Variants in SOX6 observed in about 807,000 individuals in gnomAD.
SOX6 encodes the protein SRY-box transcription factor 6.
Under a neutral mutation model 97.8 loss-of-function variants are expected in SOX6, and 11 were observed. The ratio of observed to expected loss-of-function variants is 0.11; its 90% CI spans 0.07 to 0.19. The LOEUF (loss-of-function observed/expected upper bound fraction) is 0.19. SOX6 is among the 10% of genes least tolerant of loss of function. The pLI, the probability that SOX6 is intolerant of heterozygous loss-of-function variation, is 1.00. For synonymous variants in SOX6, 360 were observed against 371.4 expected, an observed-to-expected ratio of 0.97 and a Z score of 0.35; for missense variants, 810 against 1,039.5, an observed-to-expected ratio of 0.78 and a Z score of 3.04.
intron 4 of SOX6, among the ~76,000 whole-genome samples, chr11:16,528,405 G>C (rs1243760140): frequency 6.6e-6 from 1 of 152,018 alleles, no homozygotes; most frequent in Non-Finnish European, 1.5e-5. Flanking sequence ...AATCTAACTT[G>C]TCCAAAGTTA....
At chr11:16,240,315 T>TGTGG (rs1048756319) in intron 3 of SOX6, among the ~76,000 whole-genome samples, 2 of 146,842 alleles carry the variant, frequency 1.4e-5, no homozygotes, top group Non-Finnish European at 3.0e-5. Context: ...TGTGTGTGTG[T>TGTGG]GGCAGTGGAA....
At chr11:16,418,637 T>C (rs923326655) in intron 1 of SOX6, among the ~76,000 whole-genome samples, 6 of 151,866 alleles carry the variant, frequency 4.0e-5, no homozygotes, top group African/African-American at 1.5e-4. Flanking sequence ...CTTAGCTCTC[T>C]CATCTATTAC....
intron 3 of SOX6, among the ~76,000 whole-genome samples, chr11:16,688,622 C>T (rs939986493): frequency 6.6e-6 from 1 of 152,082 alleles, no homozygotes; most frequent in Non-Finnish European, 1.5e-5. Flanking sequence ...TGATTTGTAT[C>T]GTTTTTTATA....
chr11:16,575,929 T>C (rs1847982720), intron 4 of SOX6, among the ~76,000 whole-genome samples: 1 of 152,186 alleles, frequency 6.6e-6, no homozygotes, highest in South Asian at 2.1e-4. Flanking sequence ...ACCTTATATG[T>C]TTACATTTCA....
chr11:16,050,445 A>ACATGC (rs1391365419), intron 10 of SOX6, among the ~76,000 whole-genome samples: 3 of 152,228 alleles, frequency 2.0e-5, no homozygotes, highest in Non-Finnish European at 4.4e-5. Context: ...CCAGGGAGCC[A>ACATGC]CATGCCACAG....
chr11:16,597,003 A>G (rs562745894), intron 4 of SOX6, among the ~76,000 whole-genome samples: 2 of 152,290 alleles, frequency 1.3e-5, no homozygotes, highest in Admixed American at 1.3e-4. Context: ...AGGGCCAAAA[A>G]AGCCAGTTCT....
intron 3 of SOX6, among the ~76,000 whole-genome samples, chr11:16,621,413 T>C (rs993148790): frequency 1.3e-5 from 2 of 152,112 alleles, no homozygotes; most frequent in African/African-American, 4.8e-5. Context: ...TCCAAGTCAT[T>C]CCAACAATTG....
intron 4 of SOX6, among the ~76,000 whole-genome samples, chr11:16,495,794 T>G (rs1463836133): frequency 2.6e-5 from 4 of 152,102 alleles, no homozygotes; most frequent in African/African-American, 9.7e-5. Flanking sequence ...CTAGATCCAC[T>G]AACACCAGTG....
intron 3 of SOX6, among the ~76,000 whole-genome samples, chr11:16,624,415 T>C (rs1848594455): frequency 6.6e-6 from 1 of 152,110 alleles, no homozygotes; most frequent in South Asian, 2.1e-4. Context: ...CTCGATCTCT[T>C]GACCTCACGA....
chr11:16,193,529 T>A (rs1041542885), intron 4 of SOX6, among the ~76,000 whole-genome samples: 1 of 152,184 alleles, frequency 6.6e-6, no homozygotes, highest in African/African-American at 2.4e-5. Context: ...AATGCACACA[T>A]TAATAAACTT....
intron 2 of SOX6, among the ~76,000 whole-genome samples, chr11:16,735,055 T>C (rs1350238046): frequency 1.3e-5 from 2 of 152,114 alleles, no homozygotes; most frequent in African/African-American, 4.8e-5. Context: ...CTCCAAGAAG[T>C]TTTTGAGCAG....
At chr11:16,341,851 GC>G (rs1212549080) in intron 1 of SOX6, among the ~76,000 whole-genome samples, 1 of 151,964 alleles carries the variant, frequency 6.6e-6, no homozygotes, top group Non-Finnish European at 1.5e-5. Flanking sequence ...GCCATCTAAA[GC>G]TTTTTAAAAG....
At chr11:16,006,102 TA>T (rs1564903746) in intron 13 of SOX6, among the ~76,000 whole-genome samples, 1 of 152,040 alleles carries the variant, frequency 6.6e-6, no homozygotes, top group Non-Finnish European at 1.5e-5. Context: ...TTATTTCTAG[TA>T]TGCGTTTGAA....
intron 3 of SOX6, among the ~76,000 whole-genome samples, chr11:16,274,126 A>G (rs1215231280): frequency 2.0e-5 from 3 of 152,116 alleles, no homozygotes; most frequent in Non-Finnish European, 4.4e-5. Context: ...AGACATAATG[A>G]GAAAGCCTCT....
At chr11:16,016,517 A>G (rs1255338607) in intron 12 of SOX6, among the ~76,000 whole-genome samples, 8 of 152,062 alleles carry the variant, frequency 5.3e-5, no homozygotes, top group Admixed American at 5.3e-4. Flanking sequence ...CAAGTTAAGT[A>G]TGGTTCCCTA....
intron 2 of SOX6, among the ~76,000 whole-genome samples, chr11:16,720,654 T>G (rs1277169978): frequency 6.8e-6 from 1 of 147,688 alleles, no homozygotes; most frequent in Non-Finnish European, 1.5e-5. Flanking sequence ...GTAACTAACC[T>G]GCACATTGTG....
At chr11:16,155,564 G>A (rs1850576489) in intron 6 of SOX6, among the ~76,000 whole-genome samples, 1 of 151,984 alleles carries the variant, frequency 6.6e-6, no homozygotes. Context: ...TTTTCTCAGT[G>A]GCAAACAGTA....
At chr11:16,680,593 G>T (rs1316462625) in intron 3 of SOX6, among the ~76,000 whole-genome samples, 1 of 152,114 alleles carries the variant, frequency 6.6e-6, no homozygotes, top group Non-Finnish European at 1.5e-5. Context: ...GACATGATCA[G>T]ATTCACACAT....
chr11:16,132,315 G>T (rs377518963), intron 6 of SOX6, among the ~76,000 whole-genome samples: 16 of 106,352 alleles, frequency 1.5e-4, no homozygotes, highest in African/African-American at 5.8e-4. Context: ...AGGAAGGAAG[G>T]AAGGAAGGAA....
Sources: allele counts gnomAD v4.1 joint callset (sites outside exome capture counted in the v4.1 genomes callset), GRCh38; gene constraint gnomAD v4.1.1; transcripts MANE v1.5; gene names NCBI Gene and HGNC (gene_info 2026-07-23, HGNC 2026-07-21).